THSD7A: variants seen among roughly 807,000 people sequenced by gnomAD.
THSD7A encodes thrombospondin type-1 domain-containing protein 7A.
THSD7A carries 96 observed loss-of-function variants against 231.3 expected under a neutral mutation model. The ratio of observed to expected loss-of-function variants is 0.41; its 90% CI spans 0.35 to 0.49. THSD7A has a LOEUF of 0.49. Ranked by LOEUF, THSD7A falls within the 20% of genes least tolerant of loss-of-function variation. The pLI is 0.05. For synonymous variants in THSD7A, 940 were observed against 743.3 expected, an observed-to-expected ratio of 1.26 and a Z score of -4.30; for missense variants, 2,290 against 2,070.2, an observed-to-expected ratio of 1.11 and a Z score of -2.06.
chr7:11,829,593 T>C (rs7804712), intron 1 of THSD7A, among the ~76,000 whole-genome samples: 22 of 152,256 alleles, frequency 1.4e-4, no homozygotes, highest in African/African-American at 4.8e-4. Flanking sequence ...GCTTACCCCA[T>C]TGGAACAGAT....
intron 1 of THSD7A, among the ~76,000 whole-genome samples, chr7:11,742,988 C>T (rs1251555757): frequency 6.6e-6 from 1 of 151,870 alleles, no homozygotes; most frequent in Admixed American, 6.6e-5. Context: ...AGAGCCCTGG[C>T]TCCTCTCCCT....
At chr7:11,432,408 A>G (rs1274216973) in intron 13 of THSD7A, among the ~76,000 whole-genome samples, 1 of 152,100 alleles carries the variant, frequency 6.6e-6, no homozygotes, top group Non-Finnish European at 1.5e-5. Context: ...CATAGACGTA[A>G]ATTTCACTGA....
chr7:11,641,487 A>G (rs1356396836), intron 1 of THSD7A, among the ~76,000 whole-genome samples: 1 of 152,146 alleles, frequency 6.6e-6, no homozygotes, highest in Non-Finnish European at 1.5e-5. Flanking sequence ...TAACTAAGAA[A>G]AGCATATGTT....
intron 13 of THSD7A, among the ~76,000 whole-genome samples, chr7:11,440,815 C>T (rs1223980307): frequency 6.6e-6 from 1 of 151,956 alleles, no homozygotes; most frequent in African/African-American, 2.4e-5. Flanking sequence ...GAAATGACAA[C>T]AAAGAATTTA....
At chr7:11,520,777 G>A (rs1422536654) in intron 6 of THSD7A, among the ~76,000 whole-genome samples, 1 of 152,194 alleles carries the variant, frequency 6.6e-6, no homozygotes, top group Non-Finnish European at 1.5e-5. Flanking sequence ...AATCAGTGAA[G>A]ACAAGCATAT....
intron 1 of THSD7A, among the ~76,000 whole-genome samples, chr7:11,789,807 C>G (rs996555907): frequency 6.6e-6 from 1 of 151,934 alleles, no homozygotes; most frequent in Non-Finnish European, 1.5e-5. Flanking sequence ...CATCATGCAT[C>G]TGTACTTTCC....
chr7:11,512,663 CA>C (rs1787861540), intron 6 of THSD7A, among the ~76,000 whole-genome samples: 1 of 150,546 alleles, frequency 6.6e-6, no homozygotes, highest in South Asian at 2.1e-4. Context: ...AACCTCTGAG[CA>C]AAGTTTCACA....
intron 6 of THSD7A, among the ~76,000 whole-genome samples, chr7:11,501,524 A>G (rs73284799): frequency 0.17 from 25,618 of 152,226 alleles, 2,371 homozygotes; most frequent in South Asian, 0.27. Context: ...ATGCTCCTGA[A>G]TGGCTTTTGG....
intron 3 of THSD7A, among the ~76,000 whole-genome samples, chr7:11,591,028 C>A (rs1358126707): frequency 3.3e-5 from 5 of 152,118 alleles, no homozygotes; most frequent in Admixed American, 3.3e-4. Context: ...GATGATGAAC[C>A]AAAACATTTG....
rs1783776210 is a variant in THSD7A at position 11,411,264 on chromosome 7, C to T, written c.3741G>A (p.Arg1247=). 6.2e-7 allele frequency: 1 copy of T among 1,613,916 alleles called. No homozygotes were observed. Among genetic ancestry groups the T allele is most frequent in the African/African-American group, 1.3e-5 (1 of 75,040 alleles). The change falls in exon 19 of 28, where the codon AGG becomes AGA. Residue 1247 remains arginine, a synonymous_variant. Transcript: ENST00000423059. The surrounding 1 kb of genome is among the most constrained non-coding windows in gnomAD (Gnocchi z 4.1). ...KAVCGNGIKT[R]MLDCVRSDGK... ...CATCACTTCGAACACAATCCAACATCCTTGTTTTTATTCCATTTCCACAAA... is the reference window on the plus strand; with the variant it reads ...CATCACTTCGAACACAATCCAACATTCTTGTTTTTATTCCATTTCCACAAA...
At chr7:11,471,295 G>A (rs927261530) in intron 8 of THSD7A, among the ~76,000 whole-genome samples, 6 of 151,944 alleles carry the variant, frequency 3.9e-5, no homozygotes, top group African/African-American at 1.4e-4. Flanking sequence ...GCAGATCAGT[G>A]GGAAATAGGA....
intron 1 of THSD7A, among the ~76,000 whole-genome samples, chr7:11,787,157 T>C (rs910049962): frequency 2.0e-5 from 3 of 152,188 alleles, no homozygotes; most frequent in East Asian, 3.9e-4. Flanking sequence ...AGCAATATAA[T>C]AGAGAAAAGG....
At chr7:11,617,478 G>T (rs1781147110) in intron 2 of THSD7A, among the ~76,000 whole-genome samples, 1 of 151,920 alleles carries the variant, frequency 6.6e-6, no homozygotes. Context: ...CTTTATTGTT[G>T]TAAATTACCT....
At chr7:11,466,661 A>G (rs564626291) in intron 9 of THSD7A, among the ~76,000 whole-genome samples, 2 of 152,190 alleles carry the variant, frequency 1.3e-5, no homozygotes, top group South Asian at 4.2e-4. Flanking sequence ...TGAGCTGCCA[A>G]ATAAAACAGT....
At chr7:11,611,563 GGTTT>G (rs1780921249) in intron 2 of THSD7A, among the ~76,000 whole-genome samples, 1 of 151,328 alleles carries the variant, frequency 6.6e-6, no homozygotes, top group South Asian at 2.1e-4. Flanking sequence ...TTGATTTAAT[GGTTT>G]GTTAGGCATT....
intron 20 of THSD7A, 34 bp from the exon 21 acceptor site, chr7:11,407,089 T>C (rs757952026): frequency 6.2e-7 from 1 of 1,610,168 alleles, no homozygotes. Context: ...ACCTTTAATA[T>C]ATGTTATGGT....
intron 6 of THSD7A, among the ~76,000 whole-genome samples, chr7:11,529,280 T>A (rs1315181683): frequency 1.3e-5 from 2 of 152,194 alleles, no homozygotes; most frequent in Non-Finnish European, 2.9e-5. Context: ...ATTTATTTTC[T>A]GTTAGTGAAT....
chr7:11,517,247 T>C (rs1399987871), intron 6 of THSD7A, among the ~76,000 whole-genome samples: 1 of 152,036 alleles, frequency 6.6e-6, no homozygotes, highest in Non-Finnish European at 1.5e-5. Flanking sequence ...CCCAGCTAAA[T>C]TTTTGTATTT....
At chr7:11,577,429 G>T (rs1790962573) in intron 4 of THSD7A, among the ~76,000 whole-genome samples, 1 of 152,020 alleles carries the variant, frequency 6.6e-6, no homozygotes, top group South Asian at 2.1e-4. Flanking sequence ...CAATTCTTGT[G>T]CCTCAGTCTC....
Sources: gnomAD v4.1 joint callset for allele counts (sites outside exome capture counted in the v4.1 genomes callset) on GRCh38, gnomAD v4.1.1 for gene constraint, Gnocchi (gnomAD v3.1) non-coding constraint, MANE v1.5 for transcripts, NCBI Gene and HGNC (gene_info 2026-07-23, HGNC 2026-07-21) for gene names.